Variants in RNF32 observed in about 807,000 individuals in gnomAD.
RNF32 encodes the protein ring finger protein 32.
In RNF32, 36 loss-of-function variants were observed where a neutral mutation model predicts 41.0. That is an observed-to-expected ratio of 0.88 (90% CI 0.67 to 1.16). RNF32 has a LOEUF of 1.16. Among genes scored for constraint, RNF32 ranks in the 50% most tolerant of loss-of-function variants. The pLI, the probability that RNF32 is intolerant of heterozygous loss-of-function variation, is 0.00. For synonymous variants in RNF32, 154 were observed against 160.9 expected (o/e 0.96, Z 0.32); for missense variants, 413 against 436.7 (o/e 0.95, Z 0.48).
intron 3 of RNF32, among the ~76,000 whole-genome samples, chr7:156,648,132 T>C (rs1316804983): frequency 6.6e-6 from 1 of 152,162 alleles, no homozygotes; most frequent in East Asian, 1.9e-4. Context: ...TTTGTAAATC[T>C]GAAATTATTT....
At chr7:156,659,098 CTTAT>C (rs1043528032) in intron 7 of RNF32, 12 of 1,353,544 alleles carry the variant, frequency 8.9e-6, no homozygotes, top group Non-Finnish European at 1.1e-5. Flanking sequence ...TTTTGGGGGA[CTTAT>C]TTAACAATTT....
Position 156,658,330 on chromosome 7 carries a change from G to C in RNF32, c.575+78G>C. 6 of 1,585,164 alleles carry C rather than the reference G, an allele frequency of 3.8e-6. No individual in the cohort carries two copies. The South Asian group carries it at 4.5e-5, about 12-fold the overall frequency. On this transcript the variant is annotated intron_variant, in intron 6 of 8. Transcript: ENST00000317955. The stretch of plus-strand genomic sequence containing the variant: ...AACTAACTTGTTTTTTGAATAGTGG[G>C]ATTTTATCTCTCTTCTTGGCCACCA...
chr7:156,674,354 A>G (rs1405649485), intron 7 of RNF32, among the ~76,000 whole-genome samples: 1 of 152,256 alleles, frequency 6.6e-6, no homozygotes, highest in Non-Finnish European at 1.5e-5. Context: ...GGAATGGGAA[A>G]TGTCATCTCT....
At chr7:156,657,672 AT>A in intron 5 of RNF32, 99 bp downstream of exon 5, 1 of 1,080,020 alleles carries the variant, frequency 9.3e-7, no homozygotes, top group Non-Finnish European at 1.4e-6. Flanking sequence ...AGAGCCATTT[AT>A]TTTATTCATC....
chr7:156,650,790 G>A (rs115318771), intron 3 of RNF32, among the ~76,000 whole-genome samples: 2,888 of 152,286 alleles, frequency 0.019, 92 homozygotes, highest in African/African-American at 0.066. Flanking sequence ...CTGAGGCAGC[G>A]CCCCTCCTCC....
rs995861392 is a variant in RNF32, at chr7:156,658,898, T to C, written c.684+328T>C. 5 of 1,548,856 alleles carry C rather than the reference T, an allele frequency of 3.2e-6. No individual in the cohort carries two copies. In the African/African-American group the frequency reaches 6.9e-5, roughly 21 times the overall value. The stretch of plus-strand genomic sequence containing the variant: ...GGAAACCAGCTTAATTTTTCCCATC[T>C]CCTGGGCTATATGTAAATGAAGACA... On this transcript the variant is annotated intron_variant, in intron 7 of 8. Coordinates refer to ENST00000317955, the MANE Select transcript of RNF32 (RefSeq NM_030936.4).
At chr7:156,655,400 G>A (rs932476587) in intron 4 of RNF32, among the ~76,000 whole-genome samples, 1 of 152,174 alleles carries the variant, frequency 6.6e-6, no homozygotes, top group African/African-American at 2.4e-5. Flanking sequence ...TATCAGAAGT[G>A]TGTGTGTGCG....
intron 3 of RNF32, among the ~76,000 whole-genome samples, chr7:156,645,990 T>TGGCCGGGCGCGGTGGCTCACGCCTG: frequency 6.6e-6 from 1 of 152,224 alleles, no homozygotes; most frequent in East Asian, 1.9e-4. Flanking sequence ...TAAGTCAGCC[T>TGGCCGGGCGCGGTGGCTCACGCCTG]TACCTCCGTC....
intron 7 of RNF32, among the ~76,000 whole-genome samples, chr7:156,661,342 C>T (rs1321355824): frequency 3.4e-5 from 5 of 145,278 alleles, no homozygotes; most frequent in Admixed American, 6.9e-5. Context: ...TTTTTTGAGA[C>T]GGAGTCTCGC....
intron 7 of RNF32, chr7:156,658,983 A>AT (rs1006425447): frequency 2.0e-6 from 3 of 1,505,562 alleles, no homozygotes; most frequent in African/African-American, 2.8e-5. Context: ...AAGCCCCCAC[A>AT]TGCTACCATT....
Position 156,658,494 on chromosome 7 carries a change from G to C in RNF32, c.608G>C (p.Arg203Thr), listed in dbSNP as rs970450561. Residue 203 changes from arginine (R) to threonine (T), a missense_variant, in exon 7 of 9, where the codon AGA becomes ACA. Coordinates refer to ENST00000317955, the MANE Select transcript of RNF32 (RefSeq NM_030936.4). ...IQAYWRGCVV[R>T]KWYRNLRKTV... is the part of the protein sequence containing the mutation. ...GCCTACTGGAGAGGATGTGTTGTTA[G>C]AAAGTGGTACAGAAACCTGAGGAAA... The C allele has an allele frequency of 1.3e-5, 21 of 1,613,490 alleles. No homozygotes were observed. Among genetic ancestry groups the C allele is most frequent in the African/African-American group, 2.7e-5 (2 of 74,900 alleles).
chr7:156,657,653 C>A, intron 5 of RNF32, 80 bp downstream of exon 5: 3 of 1,374,464 alleles, frequency 2.2e-6, no homozygotes, highest in Non-Finnish European at 3.1e-6. Flanking sequence ...ATTTTCAAGG[C>A]TCCTAAGGAG....
rs1368048456 is a variant in RNF32 at position 156,676,437 on chromosome 7, C to G, written c.871C>G (p.His291Asp). The stretch of plus-strand genomic sequence containing the variant: ...GCCGCAGGCTCTGCGCCGGGAGACC[C>G]ACGAGTGCTCCATCTGCCTGGCCCC... Reference protein sequence around the residue: ...IQVQALRRETHECSICLAPLS... With the variant: ...IQVQALRRETDECSICLAPLS... Residue 291 changes from histidine (H) to aspartate (D), a missense_variant, in exon 9 of 9, where the codon CAC becomes GAC. His to Asp is a moderately conservative substitution (Grantham distance 81). Transcript: ENST00000317955. 6.2e-7 allele frequency: 1 copy of G among 1,614,092 alleles called. No homozygotes were observed. The highest frequency in any genetic ancestry group is 1.1e-5 in the South Asian group (1 of 91,074).
At chr7:156,656,319 A>G (rs1469818267) in intron 4 of RNF32, among the ~76,000 whole-genome samples, 1 of 152,248 alleles carries the variant, frequency 6.6e-6, no homozygotes, top group Non-Finnish European at 1.5e-5. Context: ...ATGTTTGCCA[A>G]TAACAAATAT....
chr7:156,654,021 GGAAAT>G (rs1275736796), intron 3 of RNF32, among the ~76,000 whole-genome samples: 1 of 151,864 alleles, frequency 6.6e-6, no homozygotes, highest in Non-Finnish European at 1.5e-5. Context: ...TGAGTTATTG[GGAAAT>G]GAAATAAGAT....
chr7:156,651,591 C>T (rs780160085), intron 3 of RNF32, among the ~76,000 whole-genome samples: 2 of 152,158 alleles, frequency 1.3e-5, no homozygotes, highest in African/African-American at 2.4e-5. Context: ...CTTCTTACTG[C>T]AGAAGATCGA....
chr7:156,644,961 A>G (rs1171473889), intron 3 of RNF32, among the ~76,000 whole-genome samples: 3 of 152,340 alleles, frequency 2.0e-5, no homozygotes, highest in East Asian at 3.9e-4. Context: ...AATGGTAAGT[A>G]GAATAAGTAA....
chr7:156,641,677 C>T (rs910515258), intron 1 of RNF32, among the ~76,000 whole-genome samples: 1 of 152,130 alleles, frequency 6.6e-6, no homozygotes, highest in African/African-American at 2.4e-5. Flanking sequence ...TGTGTAGAAA[C>T]TTGAGATTAA....
In RNF32 at chr7:156,670,202, C is replaced by T. The variant is rs909735691; in HGVS notation, c.685-5494C>T. On this transcript the variant is annotated intron_variant, in intron 7 of 8. Transcript: ENST00000317955. The surrounding 1 kb of genome is among the most constrained non-coding windows in gnomAD (Gnocchi z 4.3). ...AAGCACACAATTCGTATTTCCCACC[C>T]ACTAGGGCACACACATTTCCTTCTT... 1.3e-5 allele frequency among the ~76,000 whole-genome samples: 2 copies of T among 152,202 alleles called. No individual in the cohort carries two copies. The highest frequency in any genetic ancestry group is 4.8e-5 in the African/African-American group (2 of 41,454).
Sources: allele counts gnomAD v4.1 joint callset (sites outside exome capture counted in the v4.1 genomes callset), GRCh38; gene constraint gnomAD v4.1.1; non-coding constraint Gnocchi (gnomAD v3.1); transcripts MANE v1.5; gene names NCBI Gene and HGNC (gene_info 2026-07-23, HGNC 2026-07-21).